SLC35F4: variants seen among roughly 807,000 people sequenced by gnomAD.
SLC35F4 encodes the protein chromosome 14 open reading frame 36.
SLC35F4 carries 24 observed loss-of-function variants against 44.2 expected under a neutral mutation model. The observed-to-expected ratio is 0.54, with a 90% CI of 0.39 to 0.76. The LOEUF (loss-of-function observed/expected upper bound fraction) is 0.76. SLC35F4 is among the 30% of genes least tolerant of loss of function. SLC35F4 has a pLI of 0.00. For missense variants in SLC35F4, 562 were observed against 586.1 expected (o/e 0.96, Z 0.42); for synonymous variants, 238 against 223.6 (o/e 1.06, Z -0.57).
intron 1 of SLC35F4, among the ~76,000 whole-genome samples, chr14:57,844,511 T>C (rs1271867721): frequency 6.6e-6 from 1 of 152,230 alleles, no homozygotes; most frequent in Non-Finnish European, 1.5e-5. Context: ...AAGACTGATG[T>C]ATGATCATAA....
At chr14:57,845,249 C>G (rs1885906280) in intron 1 of SLC35F4, among the ~76,000 whole-genome samples, 1 of 152,178 alleles carries the variant, frequency 6.6e-6, no homozygotes, top group South Asian at 2.1e-4. Context: ...GGGCAGTAGA[C>G]AGTTCTGGGG....
intron 1 of SLC35F4, among the ~76,000 whole-genome samples, chr14:57,684,639 G>A (rs547353320): frequency 6.6e-6 from 1 of 152,314 alleles, no homozygotes; most frequent in African/African-American, 2.4e-5. Flanking sequence ...GGAGCCTGGG[G>A]GTTTGGAACC....
chr14:57,632,033 G>A (rs1043825034), intron 1 of SLC35F4, among the ~76,000 whole-genome samples: 2 of 152,056 alleles, frequency 1.3e-5, no homozygotes, highest in African/African-American at 4.8e-5. Flanking sequence ...TGTGTTTAAA[G>A]GATTGATTCT....
chr14:57,685,391 G>A (rs2075037460), intron 1 of SLC35F4, among the ~76,000 whole-genome samples: 1 of 152,112 alleles, frequency 6.6e-6, no homozygotes, highest in Non-Finnish European at 1.5e-5. Context: ...TTGAAGAAGA[G>A]AACAGAAAAT....
chr14:57,602,100 C>T (rs1344851750), intron 1 of SLC35F4, among the ~76,000 whole-genome samples: 1 of 150,828 alleles, frequency 6.6e-6, no homozygotes, highest in African/African-American at 2.4e-5. Context: ...GTGAGCAATT[C>T]AATAGCACAG....
chr14:57,814,232 C>G (rs1882313612), intron 1 of SLC35F4, among the ~76,000 whole-genome samples: 1 of 152,230 alleles, frequency 6.6e-6, no homozygotes, highest in Non-Finnish European at 1.5e-5. Context: ...AATGTGCAAT[C>G]AAGTTCATTA....
chr14:57,635,502 TA>T (rs1401399280), intron 1 of SLC35F4, among the ~76,000 whole-genome samples: 1 of 151,912 alleles, frequency 6.6e-6, no homozygotes, highest in Non-Finnish European at 1.5e-5. Flanking sequence ...GCTAGAGAAA[TA>T]TGGGAATAGT....
intron 1 of SLC35F4, among the ~76,000 whole-genome samples, chr14:57,951,351 C>T (rs1384403467): frequency 6.6e-6 from 1 of 152,180 alleles, no homozygotes; most frequent in Non-Finnish European, 1.5e-5. Flanking sequence ...AAGCACAAAA[C>T]TGGGTGGCTG....
At chr14:57,588,263 C>T (rs1269537349) in intron 3 of SLC35F4, among the ~76,000 whole-genome samples, 1 of 152,162 alleles carries the variant, frequency 6.6e-6, no homozygotes, top group African/African-American at 2.4e-5. Flanking sequence ...TCATTTGGTA[C>T]AGGGGCAACC....
chr14:57,726,439 A>G (rs2076204873), intron 1 of SLC35F4, among the ~76,000 whole-genome samples: 1 of 152,180 alleles, frequency 6.6e-6, no homozygotes, highest in African/African-American at 2.4e-5. Context: ...TGTCATTAAT[A>G]CTTCCTCCTT....
chr14:57,622,855 A>C (rs1027134193), intron 1 of SLC35F4, among the ~76,000 whole-genome samples: 3 of 152,042 alleles, frequency 2.0e-5, no homozygotes, highest in Non-Finnish European at 2.9e-5. Context: ...AAATTAAAAA[A>C]ACCCCACCAA....
chr14:57,816,087 A>T (rs1190449405), intron 1 of SLC35F4, among the ~76,000 whole-genome samples: 1 of 152,162 alleles, frequency 6.6e-6, no homozygotes, highest in East Asian at 1.9e-4. Flanking sequence ...TTCAAGACAC[A>T]TTTTATATTG....
At chr14:57,642,824 G>GA (rs2073312357) in intron 1 of SLC35F4, among the ~76,000 whole-genome samples, 1 of 151,758 alleles carries the variant, frequency 6.6e-6, no homozygotes, top group Non-Finnish European at 1.5e-5. Flanking sequence ...ACTAAAATAA[G>GA]AAAAAAATGT....
At chr14:57,800,725 A>G (rs976675167) in intron 1 of SLC35F4, among the ~76,000 whole-genome samples, 1 of 152,180 alleles carries the variant, frequency 6.6e-6, no homozygotes. Flanking sequence ...ATGCAATCAC[A>G]AGTATCAATA....
At chr14:57,600,961 T>A (rs943672596) in intron 1 of SLC35F4, among the ~76,000 whole-genome samples, 9 of 151,940 alleles carry the variant, frequency 5.9e-5, no homozygotes, top group Non-Finnish European at 1.0e-4. Context: ...GCTTGGTGGA[T>A]AGTCAATGCA....
At chr14:57,915,108 T>C (rs919934808) in intron 1 of SLC35F4, among the ~76,000 whole-genome samples, 3 of 140,468 alleles carry the variant, frequency 2.1e-5, no homozygotes, top group Non-Finnish European at 3.2e-5. Flanking sequence ...AGCACTGGAT[T>C]GAGTTAACAC....
At chr14:57,585,645 C>A (rs193100819) in intron 3 of SLC35F4, among the ~76,000 whole-genome samples, 6 of 152,268 alleles carry the variant, frequency 3.9e-5, no homozygotes, top group Admixed American at 3.3e-4. Context: ...TCAGCAAAAT[C>A]TCAGGACACA....
At chr14:57,832,240 C>A (rs1441598478) in intron 1 of SLC35F4, among the ~76,000 whole-genome samples, 2 of 151,300 alleles carry the variant, frequency 1.3e-5, no homozygotes, top group Non-Finnish European at 2.9e-5. Flanking sequence ...CTCTGCCTTC[C>A]GCAGACTCAG....
chr14:57,595,366 A>G (rs1218815953), intron 1 of SLC35F4, among the ~76,000 whole-genome samples: 1 of 152,144 alleles, frequency 6.6e-6, no homozygotes, highest in African/African-American at 2.4e-5. Flanking sequence ...CTTGTTATTG[A>G]TGATGTTAAC....
Sources: allele counts gnomAD v4.1 joint callset (sites outside exome capture counted in the v4.1 genomes callset), GRCh38; gene constraint gnomAD v4.1.1; transcripts MANE v1.5; gene names NCBI Gene and HGNC (gene_info 2026-07-23, HGNC 2026-07-21).